Variants in SLC45A4 observed in about 807,000 individuals in gnomAD.
The protein encoded by SLC45A4 is solute carrier family 45 member 4.
Under a neutral mutation model 63.7 loss-of-function variants are expected in SLC45A4, and 32 were observed. The ratio of observed to expected loss-of-function variants is 0.50; its 90% CI spans 0.38 to 0.67. The LOEUF (loss-of-function observed/expected upper bound fraction) is 0.67. Among genes scored for constraint, SLC45A4 ranks in the 30% least tolerant of loss-of-function variants. SLC45A4 has a pLI of 0.00. For synonymous variants in SLC45A4, 535 were observed against 510.0 expected, an observed-to-expected ratio of 1.05 and a Z score of -0.66; for missense variants, 1,027 against 1,157.7, an observed-to-expected ratio of 0.89 and a Z score of 1.64.
chr8:141,297,935 C>CA (rs5895660), intron 1 of SLC45A4, among the ~76,000 whole-genome samples: 10 of 147,946 alleles, frequency 6.8e-5, no homozygotes, highest in African/African-American at 2.2e-4. Flanking sequence ...CCCAAAATTG[C>CA]AAAAAAAAAA....
At chr8:141,261,270 T>C (rs567418586) in intron 1 of SLC45A4, among the ~76,000 whole-genome samples, 4 of 152,312 alleles carry the variant, frequency 2.6e-5, no homozygotes, top group Admixed American at 2.6e-4. Flanking sequence ...AATATCATAC[T>C]GAATGGGCAA....
At chr8:141,266,711 T>C (rs528269391) in intron 1 of SLC45A4, among the ~76,000 whole-genome samples, 47 of 152,192 alleles carry the variant, frequency 3.1e-4, no homozygotes, top group African/African-American at 1.1e-3. Context: ...TCCTTAAAAC[T>C]CAACGAAAAG....
In SLC45A4 at chr8:141,218,204, G is replaced by A. The variant is rs756104204; in HGVS notation, c.1436C>T (p.Ser479Phe). Reference sequence around the variant, plus strand: ...CTCCTCACTCTCGGTGTCCCCGCTGGAGGTGGTGGCCCCGCTCTGGTTCCG... The same window carrying A: ...CTCCTCACTCTCGGTGTCCCCGCTGAAGGTGGTGGCCCCGCTCTGGTTCCG... ...RHRNQSGATT[S>F]SGDTESEEGE... is the part of the protein sequence containing the mutation. The change falls in exon 5 of 9, where the codon TCC becomes TTC. Residue 479 changes from serine to phenylalanine, a missense_variant. Coordinates refer to ENST00000517878, the MANE Select transcript of SLC45A4 (RefSeq NM_001286646.2). 6.2e-7 allele frequency: 1 copy of A among 1,603,202 alleles called. No individual in the cohort carries two copies. Among genetic ancestry groups the A allele is most frequent in the Non-Finnish European group, 8.5e-7 (1 of 1,179,856 alleles).
At chr8:141,282,662 G>A (rs939539733) in intron 1 of SLC45A4, among the ~76,000 whole-genome samples, 7 of 152,220 alleles carry the variant, frequency 4.6e-5, no homozygotes, top group Admixed American at 1.3e-4. Context: ...TCAACCCAAC[G>A]TCCAAGGCCT....
chr8:141,266,543 T>A (rs1829275927), intron 1 of SLC45A4, among the ~76,000 whole-genome samples: 1 of 152,184 alleles, frequency 6.6e-6, no homozygotes. Context: ...CAATTCTGCG[T>A]CTAAGGCTAT....
chr8:141,238,800 C>A (rs1211851088), intron 2 of SLC45A4, among the ~76,000 whole-genome samples: 1 of 152,186 alleles, frequency 6.6e-6, no homozygotes, highest in South Asian at 2.1e-4. Flanking sequence ...CCTGCACCCA[C>A]AGTACAGCTG....
At chr8:141,288,389 G>A (rs1361288988) in intron 1 of SLC45A4, among the ~76,000 whole-genome samples, 1 of 152,222 alleles carries the variant, frequency 6.6e-6, no homozygotes, top group Admixed American at 6.5e-5. Flanking sequence ...AATGCAAATT[G>A]CAAGCGCATC....
In SLC45A4 at chr8:141,210,111, A is replaced by AC. The variant is rs1825726261; in HGVS notation, c.*1460dup. The AC allele has an allele frequency of 6.6e-6, 1 of 152,270 alleles. No individual in the cohort carries two copies. The highest frequency in any genetic ancestry group is 6.5e-5 in the Admixed American group (1 of 15,290). 9.4% of individuals were successfully genotyped at this position (152,270 alleles called of 1,614,324 possible). ...GTCGTCAGGACGAGAAGCCGGAGAA[A>AC]CCAGCTAAGACGGGAGCTGCGCCTC... On this transcript the variant is annotated 3_prime_UTR_variant, in exon 9 of 9. Transcript: ENST00000517878.
chr8:141,256,546 T>A lies in SLC45A4; in HGVS notation c.-400-1917A>T. On this transcript the variant is annotated intron_variant, in intron 1 of 8. Coordinates refer to ENST00000517878, the MANE Select transcript of SLC45A4 (RefSeq NM_001286646.2). The surrounding 1 kb of genome is among the most constrained non-coding windows in gnomAD (Gnocchi z 4.3). ...ACGTGGGCCCCAGGAGGGAGAAGACTCCGCTGTACAGGAGGTTCTGGAAGG... is the reference window on the plus strand; with the variant it reads ...ACGTGGGCCCCAGGAGGGAGAAGACACCGCTGTACAGGAGGTTCTGGAAGG... The A allele has an allele frequency of 2.2e-6, 1 of 456,154 alleles. No individual in the cohort carries two copies. The highest frequency in any genetic ancestry group is 1.5e-5 in the South Asian group (1 of 64,568). The allele number at this position is 456,154 out of a possible 1,614,324, so 28.3% of individuals were successfully genotyped here. A position where few individuals can be genotyped will look rare whatever the true frequency, so the allele number is the denominator to read the frequency against.
At chr8:141,302,928 T>C (rs1830793205) in intron 1 of SLC45A4, among the ~76,000 whole-genome samples, 1 of 151,928 alleles carries the variant, frequency 6.6e-6, no homozygotes, top group South Asian at 2.1e-4. Context: ...GATGACTACA[T>C]TGTTGGTGAT....
intron 1 of SLC45A4, among the ~76,000 whole-genome samples, chr8:141,258,201 G>A (rs1325700591): frequency 2.0e-5 from 3 of 151,982 alleles, no homozygotes; most frequent in Non-Finnish European, 2.9e-5. Context: ...CTGGCCTAGG[G>A]TCAGGAAGTC....
chr8:141,247,339 T>C (rs907764778), intron 2 of SLC45A4, among the ~76,000 whole-genome samples: 3 of 111,684 alleles, frequency 2.7e-5, no homozygotes, highest in Admixed American at 2.5e-4. Context: ...AACAATGAAA[T>C]ACTTTAAGTA....
chr8:141,222,509 C>T (rs987858881), intron 2 of SLC45A4, among the ~76,000 whole-genome samples: 5 of 152,036 alleles, frequency 3.3e-5, no homozygotes, highest in Non-Finnish European at 5.9e-5. Flanking sequence ...GTTAAGTAAT[C>T]CACCCCAGGT....
chr8:141,219,241 T>C (rs557802290), intron 4 of SLC45A4, among the ~76,000 whole-genome samples: 191 of 152,342 alleles, frequency 1.3e-3, no homozygotes, highest in African/African-American at 4.1e-3. Context: ...TGCCCCTTGA[T>C]CAATGAAGGG....
At chr8:141,251,289 T>G (rs1354504097) in intron 2 of SLC45A4, among the ~76,000 whole-genome samples, 1 of 152,108 alleles carries the variant, frequency 6.6e-6, no homozygotes, top group African/African-American at 2.4e-5. Flanking sequence ...GCGAAAGTGG[T>G]TCTTCAGTTC....
At chr8:141,228,205 C>T in intron 2 of SLC45A4, 2 of 1,614,078 alleles carry the variant, frequency 1.2e-6, no homozygotes, top group Non-Finnish European at 1.7e-6. Context: ...TTGATTTGAC[C>T]TCAGTGGACT....
At chr8:141,279,950 C>A (rs1235013520) in intron 1 of SLC45A4, among the ~76,000 whole-genome samples, 2 of 152,248 alleles carry the variant, frequency 1.3e-5, no homozygotes. Context: ...GACTCGCCTA[C>A]ATGAGAAGTG....
At chr8:141,269,652 T>C (rs530289780) in intron 1 of SLC45A4, among the ~76,000 whole-genome samples, 7 of 151,956 alleles carry the variant, frequency 4.6e-5, no homozygotes, top group Middle Eastern at 3.4e-3. Flanking sequence ...GGGGTGTCTG[T>C]CTGCCTGCGT....
intron 2 of SLC45A4, among the ~76,000 whole-genome samples, chr8:141,247,642 G>C (rs1391001750): frequency 6.6e-6 from 1 of 152,192 alleles, no homozygotes; most frequent in Non-Finnish European, 1.5e-5. Flanking sequence ...GAACGCCTGA[G>C]TTCAAGCAAT....
Sources: allele counts gnomAD v4.1 joint callset (sites outside exome capture counted in the v4.1 genomes callset), GRCh38; gene constraint gnomAD v4.1.1; non-coding constraint Gnocchi (gnomAD v3.1); transcripts MANE v1.5; gene names NCBI Gene and HGNC (gene_info 2026-07-23, HGNC 2026-07-21).